Variants in REEP1 observed in about 807,000 individuals in gnomAD.
The protein encoded by REEP1 is receptor accessory protein 1.
REEP1 carries 22 observed loss-of-function variants against 40.3 expected under a neutral mutation model. The observed-to-expected ratio is 0.55, with a 90% CI of 0.39 to 0.78. The LOEUF is 0.78. REEP1 is among the 30% of genes least tolerant of loss of function. The pLI is 0.00. For missense variants in REEP1, 280 were observed against 361.1 expected (o/e 0.78, Z 1.82); for synonymous variants, 116 against 139.2 (o/e 0.83, Z 1.17).
intron 1 of REEP1, among the ~76,000 whole-genome samples, chr2:86,299,754 T>C (rs1344390568): frequency 6.6e-6 from 1 of 152,248 alleles, no homozygotes; most frequent in Non-Finnish European, 1.5e-5. Context: ...TAATAAACTA[T>C]GGTTTAACTT....
intron 1 of REEP1, among the ~76,000 whole-genome samples, chr2:86,326,525 C>T (rs1418384752): frequency 6.6e-6 from 1 of 151,986 alleles, no homozygotes; most frequent in Non-Finnish European, 1.5e-5. Flanking sequence ...CCAGCCTGAC[C>T]AAAATGGTGA....
At chr2:86,225,167 G>A (rs1207171042) in intron 7 of REEP1, among the ~76,000 whole-genome samples, 3 of 152,194 alleles carry the variant, frequency 2.0e-5, no homozygotes, top group Non-Finnish European at 4.4e-5. Context: ...AGGCCCCACA[G>A]GGACACAGGG....
rs1370183119 is a variant in REEP1, at chr2:86,317,524, CT to C, written c.32+19954del. ...TCAACAATATTACCAAGACATTTGC[CT>C]TTTCGCTGTGTTGAATTTGCACTGA... On this transcript the variant is annotated intron_variant, in intron 1 of 8. Coordinates refer to ENST00000538924, the MANE Select transcript of REEP1 (RefSeq NM_001371279.1). Among the ~76,000 whole-genome samples, 3 of 152,170 alleles carry C rather than the reference CT, an allele frequency of 2.0e-5. No homozygotes were observed. The East Asian group carries it at 5.8e-4, about 29-fold the overall frequency.
intron 1 of REEP1, among the ~76,000 whole-genome samples, chr2:86,303,175 T>C (rs1679328690): frequency 6.6e-6 from 1 of 151,292 alleles, no homozygotes; most frequent in Non-Finnish European, 1.5e-5. Flanking sequence ...CCTGAGTAGC[T>C]AGGACTACAG....
intron 1 of REEP1, among the ~76,000 whole-genome samples, chr2:86,320,809 A>T (rs1341578018): frequency 6.6e-6 from 1 of 152,236 alleles, no homozygotes; most frequent in Non-Finnish European, 1.5e-5. Context: ...AGAAAAATAA[A>T]TCAGAAATAA....
chr2:86,229,598 CTTTTTTTTTTTTT>C (rs70956106), intron 6 of REEP1, among the ~76,000 whole-genome samples: 12 of 114,446 alleles, frequency 1.0e-4, no homozygotes, highest in Admixed American at 1.1e-4. Context: ...ACCTGTCTTC[CTTTTTTTTTTTTT>C]TTTTTTTTTT....
chr2:86,224,311 C>T (rs763766023), intron 7 of REEP1, among the ~76,000 whole-genome samples: 15 of 152,168 alleles, frequency 9.9e-5, no homozygotes, highest in Admixed American at 3.3e-4. Context: ...AAAGTGTCCC[C>T]GACAACTGTG....
At chr2:86,277,579 G>A (rs560083174) in intron 2 of REEP1, among the ~76,000 whole-genome samples, 1 of 149,982 alleles carries the variant, frequency 6.7e-6, no homozygotes, top group East Asian at 1.9e-4. Context: ...AAAAGTCAAT[G>A]GGTCATTACT....
chr2:86,262,256 C>T (rs1676904947), intron 3 of REEP1, among the ~76,000 whole-genome samples: 1 of 152,172 alleles, frequency 6.6e-6, no homozygotes, highest in Non-Finnish European at 1.5e-5. Context: ...GGAGAGGCAA[C>T]CCACCCCTTC....
chr2:86,246,542 G>C (rs115175291), intron 5 of REEP1, among the ~76,000 whole-genome samples: 2,332 of 152,208 alleles, frequency 0.015, 40 homozygotes, highest in Non-Finnish European at 0.025. Context: ...AATGAATGTT[G>C]GTTTACCAGG....
chr2:86,271,615 A>G (rs10520415), intron 2 of REEP1, among the ~76,000 whole-genome samples: 52,055 of 152,152 alleles, frequency 0.34, 9,847 homozygotes, highest in Middle Eastern at 0.45. Context: ...ATGTTTCTCA[A>G]TGGATTACTT....
At chr2:86,248,152 C>T (rs529055588) in intron 5 of REEP1, among the ~76,000 whole-genome samples, 61 of 152,330 alleles carry the variant, frequency 4.0e-4, no homozygotes, top group Admixed American at 1.6e-3. Flanking sequence ...TTTAATCTGT[C>T]AGAACTAATC....
intron 2 of REEP1, among the ~76,000 whole-genome samples, chr2:86,267,007 A>G (rs1558901004): frequency 6.8e-6 from 1 of 147,870 alleles, no homozygotes; most frequent in African/African-American, 2.5e-5. Flanking sequence ...ACTCTGTCTC[A>G]GGGGAAAAAA....
At chr2:86,274,947 A>AGC (rs1558906840) in intron 2 of REEP1, among the ~76,000 whole-genome samples, 13 of 152,262 alleles carry the variant, frequency 8.5e-5, no homozygotes, top group African/African-American at 2.6e-4. Flanking sequence ...ATTCTACCCC[A>AGC]CTGCCAGAGC....
intron 7 of REEP1, among the ~76,000 whole-genome samples, chr2:86,226,464 TTTTC>T (rs1489730183): frequency 0.11 from 4,526 of 42,178 alleles, 374 homozygotes; most frequent in African/African-American, 0.16. Context: ...TGGCTTTTTC[TTTTC>T]TTTTTTTTTT....
upstream of REEP1, chr2:86,338,024 C>G (rs755719093): frequency 1.7e-5 from 26 of 1,537,062 alleles, no homozygotes; most frequent in South Asian, 2.6e-4. Flanking sequence ...AAGGGTTTAC[C>G]TGGATCCAGA....
At chr2:86,274,856 C>A (rs183652051) in intron 2 of REEP1, among the ~76,000 whole-genome samples, 11 of 152,268 alleles carry the variant, frequency 7.2e-5, no homozygotes, top group Non-Finnish European at 7.4e-5. Context: ...TCAGCCACAG[C>A]AAGAAGCTCC....
intron 2 of REEP1, chr2:86,279,908 C>A: frequency 2.2e-6 from 1 of 454,648 alleles, no homozygotes; most frequent in Non-Finnish European, 4.4e-6. Context: ...ACTAAGTTCA[C>A]GGTAATTTGT....
In REEP1 at chr2:86,227,344, A is replaced by T; in HGVS notation, c.631+19T>A. ...AGTGAGAGTCCAGCACGCTGCGGAG[A>T]GGCTGGCTGCTTACTCACCTTTCCA... On this transcript the variant is annotated intron_variant, in intron 7 of 8. Transcript: ENST00000538924. The T allele has an allele frequency of 8.1e-7, 1 of 1,232,250 alleles. No individual in the cohort carries two copies. Among genetic ancestry groups the T allele is most frequent in the East Asian group, 3.2e-5 (1 of 31,702 alleles). The allele number at this position is 1,232,250 out of a possible 1,614,324, so 76.3% of individuals were successfully genotyped here. A position where few individuals can be genotyped will look rare whatever the true frequency, so the allele number is the denominator to read the frequency against.
Sources: gnomAD v4.1 joint callset for allele counts (sites outside exome capture counted in the v4.1 genomes callset) on GRCh38, gnomAD v4.1.1 for gene constraint, MANE v1.5 for transcripts, NCBI Gene and HGNC (gene_info 2026-07-23, HGNC 2026-07-21) for gene names.